BLTP3B: variants seen among roughly 807,000 people sequenced by gnomAD.
BLTP3B encodes the protein bridge-like lipid transfer protein family member 3B.
At chr12:100,046,086 G>A in the BLTP3B span, among the ~76,000 whole-genome samples, 2 of 152,188 alleles carry the variant, frequency 1.3e-5, no homozygotes, top group Non-Finnish European at 1.5e-5. Context: ...ACAGATGCTG[G>A]AGAGGATGTG....
At chr12:100,140,704 CAAAAAAAAAAA>C in the BLTP3B span, among the ~76,000 whole-genome samples, 5 of 33,786 alleles carry the variant, frequency 1.5e-4, no homozygotes, top group African/African-American at 7.9e-4. Flanking sequence ...GACTCTGTCT[CAAAAAAAAAAA>C]AAAAAAAAAA....
the BLTP3B span, chr12:100,142,565 G>C: frequency 1.9e-6 from 3 of 1,604,934 alleles, no homozygotes; most frequent in Non-Finnish European, 2.6e-6. Flanking sequence ...GAGGCCGACT[G>C]GCGCCGACAC....
At chr12:100,047,871 C>T in the BLTP3B span, 1 of 1,275,750 alleles carries the variant, frequency 7.8e-7, no homozygotes, top group Non-Finnish European at 1.0e-6. Flanking sequence ...AGAGAAGGCA[C>T]ATTCTTAGAC....
chr12:100,080,601 T>G, the BLTP3B span, among the ~76,000 whole-genome samples: 1 of 152,248 alleles, frequency 6.6e-6, no homozygotes, highest in Non-Finnish European at 1.5e-5. Context: ...CCATTTGGAA[T>G]AGCTGTATTT....
the BLTP3B span, among the ~76,000 whole-genome samples, chr12:100,067,475 A>G: frequency 2.0e-5 from 3 of 152,186 alleles, no homozygotes; most frequent in Non-Finnish European, 4.4e-5. Context: ...AAAAATCCAA[A>G]TAAGTTCAGT....
chr12:100,071,497 CAAAAAAAAAAAA>C, the BLTP3B span, among the ~76,000 whole-genome samples: 2,076 of 78,800 alleles, frequency 0.026, 29 homozygotes, highest in Non-Finnish European at 0.034. Flanking sequence ...ACTATGTCTC[CAAAAAAAAAAAA>C]AAAAAAAAAG....
At chr12:100,087,180 A>AG in the BLTP3B span, among the ~76,000 whole-genome samples, 1 of 150,414 alleles carries the variant, frequency 6.6e-6, no homozygotes, top group Non-Finnish European at 1.5e-5. Flanking sequence ...AAAAAAAAAA[A>AG]GGGAAATTAT....
the BLTP3B span, chr12:100,051,172 C>A: frequency 6.2e-7 from 1 of 1,614,056 alleles, no homozygotes. Flanking sequence ...CACCAGCATT[C>A]ACACTTTCTG....
chr12:100,067,651 T>C, the BLTP3B span, among the ~76,000 whole-genome samples: 2 of 151,880 alleles, frequency 1.3e-5, no homozygotes, highest in African/African-American at 4.8e-5. Context: ...AATTAGATAG[T>C]CTGAACAGAC....
At chr12:100,136,291 G>T in the BLTP3B span, among the ~76,000 whole-genome samples, 1 of 150,358 alleles carries the variant, frequency 6.7e-6, no homozygotes, top group Admixed American at 6.6e-5. Flanking sequence ...TTTTTTCCTA[G>T]TTGCAAAATC....
chr12:100,087,158 CAAA>C, the BLTP3B span, among the ~76,000 whole-genome samples: 3 of 59,886 alleles, frequency 5.0e-5, no homozygotes, highest in African/African-American at 6.3e-5. Context: ...GACTCCATCT[CAAA>C]AAAAAAAAAA....
the BLTP3B span, chr12:100,084,378 T>TCACACA: frequency 3.7e-4 from 245 of 664,716 alleles, 1 homozygote; most frequent in African/African-American, 8.5e-4. Context: ...AATACTATGA[T>TCACACA]CACACACACA....
the BLTP3B span, among the ~76,000 whole-genome samples, chr12:100,103,435 T>C: frequency 1.3e-5 from 2 of 152,000 alleles, no homozygotes; most frequent in African/African-American, 2.4e-5. Flanking sequence ...ATTTCATATA[T>C]AGCATTTATT....
At chr12:100,037,773 G>A in the BLTP3B span, 918 of 1,568,130 alleles carry the variant, frequency 5.9e-4, 2 homozygotes, top group African/African-American at 0.011. Context: ...GATAAATGGC[G>A]GGGGGATAAG....
the BLTP3B span, chr12:100,058,421 A>G: frequency 6.2e-7 from 1 of 1,613,176 alleles, no homozygotes; most frequent in East Asian, 2.2e-5. Flanking sequence ...TTGTATCACT[A>G]GCTGATTTAA....
At chr12:100,069,422 TTG>T in the BLTP3B span, among the ~76,000 whole-genome samples, 1 of 151,020 alleles carries the variant, frequency 6.6e-6, no homozygotes, top group African/African-American at 2.4e-5. Context: ...GTGGGGGTGT[TTG>T]TGTGTGTGTA....
the BLTP3B span, among the ~76,000 whole-genome samples, chr12:100,083,858 G>A: frequency 6.6e-6 from 1 of 152,170 alleles, no homozygotes; most frequent in Non-Finnish European, 1.5e-5. Context: ...ATGTTGGTCT[G>A]AGCAAAGGAT....
chr12:100,136,241 C>A, the BLTP3B span, among the ~76,000 whole-genome samples: 16 of 151,374 alleles, frequency 1.1e-4, no homozygotes, highest in African/African-American at 3.9e-4. Flanking sequence ...CAAACCTACT[C>A]AAGTAAATTT....
At chr12:100,094,316 G>A in the BLTP3B span, among the ~76,000 whole-genome samples, 3 of 151,968 alleles carry the variant, frequency 2.0e-5, no homozygotes, top group Non-Finnish European at 4.4e-5. Flanking sequence ...TCAATATATT[G>A]CCCAGGCTGG....
Sources: gnomAD v4.1 joint callset for allele counts (sites outside exome capture counted in the v4.1 genomes callset) on GRCh38, gnomAD v4.1.1 for gene constraint, MANE v1.5 for transcripts, NCBI Gene and HGNC (gene_info 2026-07-23, HGNC 2026-07-21) for gene names.